Variants in ZMAT2 observed in about 807,000 individuals in gnomAD.
ZMAT2 encodes the protein zinc finger matrin-type 2.
A neutral mutation model predicts 27.5 loss-of-function variants in ZMAT2; 5 were observed. The observed-to-expected ratio is 0.18, with a 90% CI of 0.10 to 0.38. The LOEUF (loss-of-function observed/expected upper bound fraction) is 0.38, where lower values mean the gene tolerates loss of function less well. ZMAT2 is among the 10% of genes least tolerant of loss of function. The pLI is 1.00. For missense variants in ZMAT2, 124 were observed against 243.9 expected, an observed-to-expected ratio of 0.51 and a Z score of 3.27; for synonymous variants, 76 against 78.6, an observed-to-expected ratio of 0.97 and a Z score of 0.17.
Position 140,705,720 on chromosome 5 carries a change from C to T in ZMAT2, c.564C>T (p.Gly188=). ...ACGATGAGATGGCAGCTGTGATGGG[C>T]TTCTCTGGCTTTGGTTCCACCAAGA... ...EEDDEMAAVM[G]FSGFGSTKKS... Residue 188 remains glycine (G), a synonymous_variant, in exon 6 of 6, where the codon GGC becomes GGT. Transcript: ENST00000274712. The T allele has an allele frequency of 1.2e-6, 2 of 1,614,036 alleles. No homozygotes were observed. The highest frequency in any genetic ancestry group is 8.5e-7 in the Non-Finnish European group (1 of 1,179,988).
intron 5 of ZMAT2, among the ~76,000 whole-genome samples, chr5:140,704,985 A>G (rs1218639255): frequency 6.6e-6 from 1 of 152,138 alleles, no homozygotes; most frequent in Non-Finnish European, 1.5e-5. Context: ...ATTAGCCTAC[A>G]ATTGACCCAA....
chr5:140,701,417 T>C (rs1457177690), intron 2 of ZMAT2, among the ~76,000 whole-genome samples: 2 of 152,170 alleles, frequency 1.3e-5, no homozygotes, highest in Non-Finnish European at 2.9e-5. Context: ...CATCAGGGAG[T>C]TGGTGCTTCT....
At chr5:140,705,187 CTTTGA>C (rs1374761148) in intron 5 of ZMAT2, among the ~76,000 whole-genome samples, 1 of 151,986 alleles carries the variant, frequency 6.6e-6, no homozygotes, top group Non-Finnish European at 1.5e-5. Context: ...CATCTGTATT[CTTTGA>C]TTTAATTTTT....
Position 140,704,299 on chromosome 5 carries a change from AG to A in ZMAT2, c.311-126del, listed in dbSNP as rs1286486108. 2.3e-6 allele frequency: 3 copies of A among 1,317,586 alleles called. No homozygotes were observed. In the African/African-American group the frequency reaches 4.4e-5, roughly 19 times the overall value. The allele number at this position is 1,317,586 out of a possible 1,614,324, so 81.6% of individuals were successfully genotyped here. A position where few individuals can be genotyped will look rare whatever the true frequency, so the allele number is the denominator to read the frequency against. On this transcript the variant is annotated intron_variant, in intron 4 of 5. Coordinates refer to ENST00000274712, the MANE Select transcript of ZMAT2 (RefSeq NM_144723.3). ...GCTCCTGGACCCAGCTGGCCAAGGG[AG>A]TTTCTTTTAGCCATAATTATTTTTG... is the stretch of plus-strand genomic sequence containing the variant.
At position 140,700,491 on chromosome 5, in the gene ZMAT2, T is replaced by C; in HGVS notation, c.18+13T>C. On this transcript the variant is annotated intron_variant, in intron 1 of 5. Coordinates refer to ENST00000274712, the MANE Select transcript of ZMAT2 (RefSeq NM_144723.3). The stretch of plus-strand genomic sequence containing the variant: ...GTCGGGCAGCGGGGTAGGTGTTGTG[T>C]CTGAGGAGGAGGTTTTGCGGGGTGG... The C allele has an allele frequency of 6.2e-7, 1 of 1,613,006 alleles. No homozygotes were observed. Among genetic ancestry groups the C allele is most frequent in the Non-Finnish European group, 8.5e-7 (1 of 1,179,926 alleles).
intron 2 of ZMAT2, among the ~76,000 whole-genome samples, chr5:140,701,150 G>T (rs571308226): frequency 9.9e-5 from 15 of 152,262 alleles, no homozygotes; most frequent in Non-Finnish European, 1.3e-4. Context: ...CCTTTGCTTG[G>T]CTCGTTTAAT....
chr5:140,703,540 T>C (rs1200627921), intron 3 of ZMAT2, among the ~76,000 whole-genome samples: 1 of 152,196 alleles, frequency 6.6e-6, no homozygotes, highest in South Asian at 2.1e-4. Context: ...GGCCACCCCA[T>C]AGACCTTTCT....
chr5:140,703,776 A>G, intron 3 of ZMAT2, 142 bp from the exon 4 acceptor site: 2 of 720,732 alleles, frequency 2.8e-6, no homozygotes, highest in Non-Finnish European at 4.8e-6. Flanking sequence ...TGACTGCTAT[A>G]CTCTCTCGAA....
Position 140,700,845 on chromosome 5 carries a change from G to A in ZMAT2, c.45G>A (p.Lys15=). 2 of 1,614,064 alleles carry A rather than the reference G, an allele frequency of 1.2e-6. No homozygotes were observed. Among genetic ancestry groups the A allele is most frequent in the Non-Finnish European group, 1.7e-6 (2 of 1,179,946 alleles). ...SGTKNLDFRR[K]WDKDEYEKLA... ...CAAAAAACTTGGACTTTCGCCGAAA[G>A]TGGGACAAAGATGAATATGAGAAAC... The change falls in exon 2 of 6, where the codon AAG becomes AAA. Residue 15 remains lysine (K), a synonymous_variant. Coordinates refer to ENST00000274712, the MANE Select transcript of ZMAT2 (RefSeq NM_144723.3).
chr5:140,701,950 C>G, intron 2 of ZMAT2, 56 bp from the exon 3 acceptor site: 3 of 1,533,396 alleles, frequency 2.0e-6, no homozygotes, highest in Non-Finnish European at 2.6e-6. Flanking sequence ...ATTTTTTTTC[C>G]TTTCTGGTTG....
intron 5 of ZMAT2, 45 bp downstream of exon 5, chr5:140,704,616 A>G (rs1760021177): frequency 6.2e-7 from 1 of 1,601,920 alleles, no homozygotes; most frequent in Non-Finnish European, 8.5e-7. Context: ...TTTGAGTTTT[A>G]TGTTATGAAT....
At chr5:140,704,886 A>G (rs1000440110) in intron 5 of ZMAT2, among the ~76,000 whole-genome samples, 6 of 150,684 alleles carry the variant, frequency 4.0e-5, no homozygotes, top group Non-Finnish European at 8.8e-5. Flanking sequence ...TAAACCTATC[A>G]TCAAGTTAAA....
intron 3 of ZMAT2, among the ~76,000 whole-genome samples, chr5:140,703,311 G>A (rs1196304866): frequency 1.4e-5 from 2 of 147,752 alleles, no homozygotes; most frequent in Non-Finnish European, 3.0e-5. Flanking sequence ...GTATGATCTC[G>A]GCTCACCACA....
Position 140,704,668 on chromosome 5 carries a change from C to G in ZMAT2, c.456+97C>G. ...CTCATCCCACTCCTACTCCCACCCC[C>G]AGAGTTGTATCTCCTGAGTTCTGTA... On this transcript the variant is annotated intron_variant, in intron 5 of 5. Transcript: ENST00000274712. 1.5e-6 allele frequency: 2 copies of G among 1,332,066 alleles called. 1 individual carries two copies. The highest frequency in any genetic ancestry group is 2.9e-5 in the South Asian group (2 of 69,362). 82.5% of individuals were successfully genotyped at this position (1,332,066 alleles called of 1,614,324 possible).
At position 140,705,766 on chromosome 5, in the gene ZMAT2, T is replaced by C. The variant is rs1035937897; in HGVS notation, c.*10T>C. On this transcript the variant is annotated 3_prime_UTR_variant, in exon 6 of 6. Coordinates refer to ENST00000274712, the MANE Select transcript of ZMAT2 (RefSeq NM_144723.3). The stretch of plus-strand genomic sequence containing the variant: ...CAAGAAGAGTTACTGAGGCTTTCTG[T>C]GCTTGGCCTGACTTTGGCCTATGCT... The C allele has an allele frequency of 6.2e-7, 1 of 1,612,980 alleles. No individual in the cohort carries two copies. Among genetic ancestry groups the C allele is most frequent in the African/African-American group, 1.3e-5 (1 of 74,800 alleles).
chr5:140,702,209 G>A, intron 3 of ZMAT2, 80 bp downstream of exon 3: 1 of 1,542,014 alleles, frequency 6.5e-7, no homozygotes, highest in South Asian at 1.2e-5. Flanking sequence ...AAGTGTTAAG[G>A]AAGGTCCTTG....
chr5:140,704,163 T>G (rs994688652), intron 4 of ZMAT2, among the ~76,000 whole-genome samples, 172 bp downstream of exon 4: 1 of 152,130 alleles, frequency 6.6e-6, no homozygotes, highest in Non-Finnish European at 1.5e-5. Context: ...TCTCCAGTTG[T>G]TTCAGCACAG....
At position 140,704,106 on chromosome 5, in the gene ZMAT2, A is replaced by T; in HGVS notation, c.310+115A>T. 4.0e-6 allele frequency: 4 copies of T among 1,002,592 alleles called. No homozygotes were observed. The South Asian group carries it at 5.7e-5, about 14-fold the overall frequency. The allele number at this position is 1,002,592 out of a possible 1,614,324, so 62.1% of individuals were successfully genotyped here. A position where few individuals can be genotyped will look rare whatever the true frequency, so the allele number is the denominator to read the frequency against. On this transcript the variant is annotated intron_variant, in intron 4 of 5. Transcript: ENST00000274712. ...TACTCATCAAAAGATGGCTGGAGTA[A>T]GAAGGGTAGTTTCTACTGGGCTCTT...
chr5:140,704,654 C>A, intron 5 of ZMAT2, 83 bp downstream of exon 5: 1 of 1,426,256 alleles, frequency 7.0e-7, no homozygotes, highest in Non-Finnish European at 9.5e-7. Flanking sequence ...TCATCCCACT[C>A]CTACTCCCAC....
Sources: allele counts gnomAD v4.1 joint callset (sites outside exome capture counted in the v4.1 genomes callset), GRCh38; gene constraint gnomAD v4.1.1; transcripts MANE v1.5; gene names NCBI Gene and HGNC (gene_info 2026-07-23, HGNC 2026-07-21).